The following ZFHX3 variants were observed in gnomAD, a reference collection of about 807,000 sequenced individuals.
The protein encoded by ZFHX3 is zinc finger homeobox 3.
In ZFHX3, 42 loss-of-function variants were observed where a neutral mutation model predicts 279.1. The observed-to-expected ratio is 0.15, with a 90% CI of 0.12 to 0.19. The LOEUF is 0.19. Ranked by LOEUF, ZFHX3 falls within the 10% of genes least tolerant of loss-of-function variation. ZFHX3 has a pLI of 1.00. For missense variants in ZFHX3, 4,981 were observed against 4,754.0 expected (o/e 1.05, Z -1.40); for synonymous variants, 2,293 against 1,957.8 (o/e 1.17, Z -4.52).
At chr16:73,818,865 T>G (rs377393064) in intron 1 of ZFHX3, among the ~76,000 whole-genome samples, 2 of 152,208 alleles carry the variant, frequency 1.3e-5, no homozygotes, top group African/African-American at 4.8e-5. Flanking sequence ...TACAGTTTCA[T>G]TGAGATAAAC....
intron 3 of ZFHX3, among the ~76,000 whole-genome samples, chr16:73,439,035 G>A (rs1192276212): frequency 2.6e-5 from 4 of 152,336 alleles, no homozygotes; most frequent in African/African-American, 9.6e-5. Flanking sequence ...CAGCACATCT[G>A]TCTCAGACCA....
intron 2 of ZFHX3, among the ~76,000 whole-genome samples, chr16:73,584,391 A>G (rs1032333192): frequency 5.9e-5 from 9 of 152,206 alleles, no homozygotes; most frequent in Admixed American, 5.9e-4. Context: ...AAAGTATATA[A>G]TGTATCTTTA....
chr16:73,600,620 C>T (rs2052103005), intron 2 of ZFHX3, among the ~76,000 whole-genome samples: 1 of 152,004 alleles, frequency 6.6e-6, no homozygotes, highest in Admixed American at 6.6e-5. Flanking sequence ...CAGGGTTTCA[C>T]CATATTAGCC....
intron 1 of ZFHX3, among the ~76,000 whole-genome samples, chr16:73,855,321 T>C (rs368375685): frequency 2.0e-5 from 3 of 150,488 alleles, no homozygotes; most frequent in Non-Finnish European, 4.4e-5. Context: ...TTTACTTGCA[T>C]TGAAATGGGC....
chr16:73,223,284 A>T (rs2012483096), intron 5 of ZFHX3, among the ~76,000 whole-genome samples: 1 of 152,208 alleles, frequency 6.6e-6, no homozygotes. Flanking sequence ...TTAACAGACA[A>T]GCCACAGACT....
chr16:72,882,359 TG>T (rs2038500455), intron 4 of ZFHX3, among the ~76,000 whole-genome samples: 2 of 152,112 alleles, frequency 1.3e-5, no homozygotes, highest in Non-Finnish European at 1.5e-5. Context: ...GTACAGCTGG[TG>T]CCACGTGTCA....
At chr16:73,720,471 C>T (rs191516479) in intron 1 of ZFHX3, among the ~76,000 whole-genome samples, 43 of 152,312 alleles carry the variant, frequency 2.8e-4, no homozygotes, top group Admixed American at 2.0e-3. Context: ...TTGGTCCATT[C>T]ATATGATAAA....
intron 2 of ZFHX3, among the ~76,000 whole-genome samples, chr16:73,592,801 G>GA (rs1443354549): frequency 6.6e-6 from 1 of 151,130 alleles, no homozygotes; most frequent in Non-Finnish European, 1.5e-5. Context: ...AATGGAAATT[G>GA]AAAAAAACGC....
At chr16:72,850,407 A>G (rs1229697852) in intron 4 of ZFHX3, among the ~76,000 whole-genome samples, 1 of 152,250 alleles carries the variant, frequency 6.6e-6, no homozygotes, top group African/African-American at 2.4e-5. Flanking sequence ...CTGTGCACAC[A>G]AGTGCTATTT....
chr16:73,711,956 C>G (rs1293022001), intron 1 of ZFHX3, among the ~76,000 whole-genome samples: 3 of 152,212 alleles, frequency 2.0e-5, no homozygotes, highest in African/African-American at 7.2e-5. Flanking sequence ...AAACCCTGAG[C>G]CCAAACAGCC....
At chr16:73,433,250 G>A (rs1016449176) in intron 3 of ZFHX3, among the ~76,000 whole-genome samples, 1 of 152,180 alleles carries the variant, frequency 6.6e-6, no homozygotes, top group Non-Finnish European at 1.5e-5. Flanking sequence ...AACCCCACAA[G>A]CTCAGCCCTC....
chr16:73,883,205 A>G (rs966007036), intron 1 of ZFHX3, among the ~76,000 whole-genome samples: 7 of 152,150 alleles, frequency 4.6e-5, no homozygotes, highest in Admixed American at 3.3e-4. Flanking sequence ...TTAATATGTC[A>G]TTCAAAATAT....
At chr16:73,416,707 T>C (rs2017589810) in intron 3 of ZFHX3, among the ~76,000 whole-genome samples, 1 of 151,726 alleles carries the variant, frequency 6.6e-6, no homozygotes, top group Non-Finnish European at 1.5e-5. Context: ...CCCCCGTCTC[T>C]ACTAAAAATA....
At chr16:73,650,923 A>C (rs546967679) in intron 2 of ZFHX3, among the ~76,000 whole-genome samples, 1 of 152,210 alleles carries the variant, frequency 6.6e-6, no homozygotes, top group East Asian at 1.9e-4. Context: ...CAGGAAGAAA[A>C]ATAGAAAAAG....
chr16:73,545,201 T>A (rs998107688), intron 2 of ZFHX3, among the ~76,000 whole-genome samples: 1 of 152,252 alleles, frequency 6.6e-6, no homozygotes, highest in African/African-American at 2.4e-5. Context: ...CAGACCCCCA[T>A]AATGACATCC....
At position 73,416,747 on chromosome 16, in the gene ZFHX3, G is replaced by A. The variant is rs79327595; in HGVS notation, c.-1291+39256C>T. The stretch of plus-strand genomic sequence containing the variant: ...AAATTAGCCGGGTGCGGTGGCGGGC[G>A]CCTGTAGTCCCAGCTACCAGGGAGG... On this transcript the variant is annotated intron_variant, in intron 3 of 17. Transcript: ENST00000641206. Among the ~76,000 whole-genome samples the A allele has an allele frequency of 3.0e-3, 448 of 147,726 alleles. 3 individuals carry two copies. Among genetic ancestry groups the A allele is most frequent in the African/African-American group, 9.0e-3 (370 of 41,286 alleles).
intron 3 of ZFHX3, among the ~76,000 whole-genome samples, chr16:73,424,427 G>A (rs73594995): frequency 6.6e-6 from 1 of 152,088 alleles, no homozygotes; most frequent in African/African-American, 2.4e-5. Flanking sequence ...GGCTCACCTT[G>A]CACCTTCTGC....
chr16:73,155,650 C>G (rs1432700555), intron 5 of ZFHX3, among the ~76,000 whole-genome samples: 1 of 152,018 alleles, frequency 6.6e-6, no homozygotes, highest in Non-Finnish European at 1.5e-5. Flanking sequence ...TGGTGAAACA[C>G]CGTCTCTACT....
intron 1 of ZFHX3, among the ~76,000 whole-genome samples, chr16:73,012,964 T>C (rs1963966149): frequency 6.6e-6 from 1 of 152,198 alleles, no homozygotes; most frequent in African/African-American, 2.4e-5. Context: ...TCTAGAAACA[T>C]AGCTCCATCC....
Sources: gnomAD v4.1 joint callset for allele counts (sites outside exome capture counted in the v4.1 genomes callset) on GRCh38, gnomAD v4.1.1 for gene constraint, MANE v1.5 for transcripts, NCBI Gene and HGNC (gene_info 2026-07-23, HGNC 2026-07-21) for gene names.